Variants in WDPCP observed in about 807,000 individuals in gnomAD.
The protein encoded by WDPCP is WD repeat containing planar cell polarity effector.
Under a neutral mutation model 93.1 loss-of-function variants are expected in WDPCP, and 71 were observed. The observed-to-expected ratio is 0.76, with a 90% CI of 0.63 to 0.93. The LOEUF (loss-of-function observed/expected upper bound fraction) is 0.93. Ranked by LOEUF, WDPCP falls within the 40% of genes least tolerant of loss-of-function variation. WDPCP has a pLI of 0.00. For synonymous variants in WDPCP, 315 were observed against 315.0 expected (o/e 1.00, Z 0.00); for missense variants, 844 against 887.4 (o/e 0.95, Z 0.62).
intron 14 of WDPCP, among the ~76,000 whole-genome samples, chr2:63,243,513 GC>G (rs1680025652): frequency 6.6e-6 from 1 of 152,000 alleles, no homozygotes; most frequent in South Asian, 2.1e-4. Context: ...CTGTGCTGAA[GC>G]TCTTTCATGA....
intron 2 of WDPCP, among the ~76,000 whole-genome samples, chr2:63,794,260 TAC>T (rs1263447469): frequency 6.6e-6 from 1 of 152,156 alleles, no homozygotes; most frequent in African/African-American, 2.4e-5. Flanking sequence ...TCCCACAATG[TAC>T]AGTAGCCATA....
intron 2 of WDPCP, among the ~76,000 whole-genome samples, chr2:63,653,909 CAA>C (rs34250036): frequency 3.0e-5 from 4 of 133,558 alleles, no homozygotes; most frequent in African/African-American, 2.8e-5. Context: ...GACTCCATCT[CAA>C]AAAAAAAAAA....
chr2:63,556,139 T>G (rs930529861), intron 1 of WDPCP, among the ~76,000 whole-genome samples: 1 of 152,132 alleles, frequency 6.6e-6, no homozygotes, highest in Non-Finnish European at 1.5e-5. Flanking sequence ...ATAACCAGTT[T>G]AGAGAGGAAC....
chr2:63,377,185 C>A (rs12713491), intron 12 of WDPCP, among the ~76,000 whole-genome samples: 83,382 of 151,470 alleles, frequency 0.55, 23,244 homozygotes, highest in Admixed American at 0.63. Flanking sequence ...TCTAAGCAAG[C>A]CACTTATCTA....
At chr2:63,272,444 G>A (rs1261644522) in intron 13 of WDPCP, among the ~76,000 whole-genome samples, 1 of 152,128 alleles carries the variant, frequency 6.6e-6, no homozygotes, top group South Asian at 2.1e-4. Flanking sequence ...ACATGAAAAG[G>A]CAAGGAAACC....
At chr2:63,796,115 A>G (rs147756051) in intron 2 of WDPCP, among the ~76,000 whole-genome samples, 326 of 152,314 alleles carry the variant, frequency 2.1e-3, no homozygotes, top group African/African-American at 7.5e-3. Context: ...AGAGAGTTAT[A>G]GCTTCTCTCT....
At position 63,729,923 on chromosome 2, in the gene WDPCP, T is replaced by G. The variant is rs899371690; in HGVS notation, n.309-79085A>C. Among the ~76,000 whole-genome samples the G allele has an allele frequency of 7.2e-5, 11 of 152,318 alleles. No individual in the cohort carries two copies. The East Asian group carries it at 7.7e-4, about 11-fold the overall frequency. ...TAATGCTGAAATTCATCAAATATAG[T>G]CCATGCTCATTTTTCTACTTGGTGC... On this transcript the variant is annotated intron_variant and non_coding_transcript_variant, in intron 2 of 4. Transcript: ENST00000467687.
At chr2:63,419,537 A>T (rs912441335) in intron 9 of WDPCP, among the ~76,000 whole-genome samples, 4 of 152,188 alleles carry the variant, frequency 2.6e-5, no homozygotes, top group Non-Finnish European at 5.9e-5. Context: ...GCATCACTGA[A>T]ATGATTCATT....
At chr2:63,206,493 G>A (rs1676342022) in intron 14 of WDPCP, among the ~76,000 whole-genome samples, 1 of 151,938 alleles carries the variant, frequency 6.6e-6, no homozygotes, top group South Asian at 2.1e-4. Flanking sequence ...GTCTCACTCT[G>A]TCATCCAGGC....
At chr2:63,671,944 G>A (rs1710352954) in intron 2 of WDPCP, among the ~76,000 whole-genome samples, 1 of 152,064 alleles carries the variant, frequency 6.6e-6, no homozygotes. Flanking sequence ...CAGTTTTCTG[G>A]CTTTGTCAGT....
chr2:63,565,365 C>G (rs1199102248), intron 1 of WDPCP, among the ~76,000 whole-genome samples: 1 of 152,050 alleles, frequency 6.6e-6, no homozygotes, highest in African/African-American at 2.4e-5. Context: ...GACTGTTGGT[C>G]AGAACCAACA....
At chr2:63,803,649 C>T (rs6757016) in intron 2 of WDPCP, among the ~76,000 whole-genome samples, 111,469 of 151,956 alleles carry the variant, frequency 0.73, 41,256 homozygotes, top group East Asian at 0.91. Context: ...TACATTTATT[C>T]ATTGTTTCAT....
At chr2:63,141,067 T>G (rs1223492830) in intron 17 of WDPCP, among the ~76,000 whole-genome samples, 1 of 152,114 alleles carries the variant, frequency 6.6e-6, no homozygotes, top group Admixed American at 6.6e-5. Context: ...TCTATTGAGA[T>G]GATCATGTGA....
intron 1 of WDPCP, among the ~76,000 whole-genome samples, chr2:63,558,437 G>C (rs1428363018): frequency 1.3e-5 from 2 of 151,826 alleles, no homozygotes; most frequent in African/African-American, 4.8e-5. Context: ...CTTGAGGCAG[G>C]AGAATTGCTT....
At chr2:63,291,629 T>C (rs1223520470) in intron 13 of WDPCP, among the ~76,000 whole-genome samples, 2 of 151,750 alleles carry the variant, frequency 1.3e-5, no homozygotes, top group South Asian at 2.1e-4. Flanking sequence ...GCCAACATGG[T>C]GAAAACCCAT....
intron 3 of WDPCP, among the ~76,000 whole-genome samples, chr2:63,635,194 T>C (rs964142720): frequency 1.3e-5 from 2 of 151,954 alleles, no homozygotes; most frequent in African/African-American, 4.8e-5. Context: ...AAAATCTGAA[T>C]AGACATAAAT....
At chr2:63,543,795 C>A (rs2106319323) in intron 1 of WDPCP, among the ~76,000 whole-genome samples, 1 of 152,014 alleles carries the variant, frequency 6.6e-6, no homozygotes, top group Non-Finnish European at 1.5e-5. Flanking sequence ...TTACTCAAAT[C>A]CTAGGGCATT....
chr2:63,649,444 T>G (rs1710085998), intron 3 of WDPCP, among the ~76,000 whole-genome samples: 2 of 152,262 alleles, frequency 1.3e-5, no homozygotes, highest in Admixed American at 6.5e-5. Flanking sequence ...TATCCATTCA[T>G]TAGTTGATAG....
rs1669838391 is a variant in WDPCP, at chr2:63,748,958, G to T, written n.308+64664C>A. Among the ~76,000 whole-genome samples the T allele has an allele frequency of 2.0e-5, 3 of 152,074 alleles. No individual in the cohort carries two copies. In the South Asian group the frequency reaches 6.2e-4, roughly 31 times the overall value. On this transcript the variant is annotated intron_variant and non_coding_transcript_variant, in intron 2 of 4. Transcript: ENST00000467687. ...CTCTAATTTAAATTCTTAACTTGTG[G>T]TTTTTGGTAACACACAGTTTCTGTG...
Sources: allele counts gnomAD v4.1 joint callset (sites outside exome capture counted in the v4.1 genomes callset), GRCh38; gene constraint gnomAD v4.1.1; transcripts MANE v1.5; gene names NCBI Gene and HGNC (gene_info 2026-07-23, HGNC 2026-07-21).